Variants in EPB41 observed in about 807,000 individuals in gnomAD.
EPB41 encodes protein 4.1.
Under a neutral mutation model 108.0 loss-of-function variants are expected in EPB41, and 65 were observed. The ratio of observed to expected loss-of-function variants is 0.60; its 90% CI spans 0.49 to 0.74. The LOEUF (loss-of-function observed/expected upper bound fraction) is 0.74. Among genes scored for constraint, EPB41 ranks in the 30% least tolerant of loss-of-function variants. The pLI, the probability that EPB41 is intolerant of heterozygous loss-of-function variation, is 0.00. For missense variants in EPB41, 875 were observed against 1,037.0 expected (o/e 0.84, Z 2.15); for synonymous variants, 336 against 358.9 (o/e 0.94, Z 0.72).
At chr1:28,964,001 T>G (rs921898618) in intron 1 of EPB41, among the ~76,000 whole-genome samples, 1 of 152,236 alleles carries the variant, frequency 6.6e-6, no homozygotes, top group Non-Finnish European at 1.5e-5. Flanking sequence ...TTCTTCCATC[T>G]CAACAAACCT....
At position 28,990,023 on chromosome 1, in the gene EPB41, G is replaced by A. The variant is rs142883669; in HGVS notation, c.468+2118G>A. Among the ~76,000 whole-genome samples, 653 of 152,172 alleles carry A rather than the reference G, an allele frequency of 4.3e-3. 4 individuals carry two copies. Among genetic ancestry groups the A allele is most frequent in the African/African-American group, 0.015 (627 of 41,534 alleles). The stretch of plus-strand genomic sequence containing the variant: ...TGTAATCCTAGCACTCTAGGAGGCT[G>A]AGGCAGGCGAATCACAAGGTCAGGA... On this transcript the variant is annotated intron_variant, in intron 2 of 20. Coordinates refer to ENST00000343067, the MANE Select transcript of EPB41 (RefSeq NM_001376013.1).
chr1:28,975,180 C>T lies in EPB41; in HGVS notation c.-7-12251C>T, dbSNP rs191677428. On this transcript the variant is annotated intron_variant, in intron 1 of 20. Transcript: ENST00000343067. ...CTCCTGACCTCAGGTAATCCACCCA[C>T]CTCAGGCTCCCAAAGTGCTGGAATT... 4.8e-3 allele frequency among the ~76,000 whole-genome samples: 732 copies of T among 152,250 alleles called. 6 individuals are homozygous for T. The highest frequency in any genetic ancestry group is 0.016 in the African/African-American group (685 of 41,542).
chr1:29,060,443 G>C lies in EPB41; in HGVS notation c.1966G>C (p.Gly656Arg). ...MRKKKRERLD[G>R]ENIYIRHSNL... Reference sequence around the variant, plus strand: ...ACAGAAAAAGAGAGAAAGACTAGATGGTGAAAACATTTATATCAGACATAG... The same window carrying C: ...ACAGAAAAAGAGAGAAAGACTAGATCGTGAAAACATTTATATCAGACATAG... Residue 656 changes from glycine to arginine, a missense_variant, in exon 15 of 21, where the codon GGT becomes CGT. Around this residue, in one of 3 missense-constraint regions of EPB41, gnomAD observed 519 missense variants for 627.3 expected, o/e 0.83. Transcript: ENST00000343067. 6.2e-7 allele frequency: 1 copy of C among 1,612,954 alleles called. No individual in the cohort carries two copies. Among genetic ancestry groups the C allele is most frequent in the South Asian group, 1.1e-5 (1 of 91,040 alleles).
chr1:28,957,797 A>C lies in EPB41; in HGVS notation c.-7-29634A>C, dbSNP rs572430860. On this transcript the variant is annotated intron_variant, in intron 1 of 20. Coordinates refer to ENST00000343067, the MANE Select transcript of EPB41 (RefSeq NM_001376013.1). Reference sequence around the variant, plus strand: ...GTGGGGAAAAAATCAATTTCAGTGAAGTTTACAGTTTTATGAACCTGTGCT... The same window carrying C: ...GTGGGGAAAAAATCAATTTCAGTGACGTTTACAGTTTTATGAACCTGTGCT... Among the ~76,000 whole-genome samples, 13 of 152,156 alleles carry C rather than the reference A, an allele frequency of 8.5e-5. No individual in the cohort carries two copies. The South Asian group carries it at 2.3e-3, about 27-fold the overall frequency.
At chr1:28,957,058 A>T (rs2094980455) in intron 1 of EPB41, among the ~76,000 whole-genome samples, 1 of 152,258 alleles carries the variant, frequency 6.6e-6, no homozygotes. Context: ...AGTGAATAGG[A>T]TTGTGGTTGA....
intron 1 of EPB41, among the ~76,000 whole-genome samples, chr1:28,916,306 C>T (rs2092664921): frequency 2.0e-5 from 3 of 152,090 alleles, no homozygotes; most frequent in South Asian, 4.1e-4. Flanking sequence ...ATTCATACAC[C>T]TGGGGAAACA....
At chr1:29,003,122 T>C (rs1182629511) in intron 4 of EPB41, among the ~76,000 whole-genome samples, 2 of 152,246 alleles carry the variant, frequency 1.3e-5, no homozygotes, top group African/African-American at 4.8e-5. Context: ...TCAGTCCATG[T>C]ATATGTACTG....
intron 11 of EPB41, among the ~76,000 whole-genome samples, chr1:29,043,269 G>T (rs1642167224): frequency 6.6e-6 from 1 of 152,196 alleles, no homozygotes. Flanking sequence ...TCTTTGAGGA[G>T]CTTCATTTGA....
intron 12 of EPB41, among the ~76,000 whole-genome samples, chr1:29,057,753 C>A (rs1460784248): frequency 6.6e-6 from 1 of 152,036 alleles, no homozygotes; most frequent in East Asian, 1.9e-4. Context: ...ATAATTGCTC[C>A]ATTTTCTATG....
At chr1:28,918,655 T>A (rs1396832394) in intron 1 of EPB41, among the ~76,000 whole-genome samples, 1 of 152,066 alleles carries the variant, frequency 6.6e-6, no homozygotes, top group Non-Finnish European at 1.5e-5. Flanking sequence ...TTTATGCTTG[T>A]AATCCCAGCA....
chr1:29,104,756 G>A lies in EPB41; in HGVS notation c.2314-4580G>A, dbSNP rs187888313. ...GGGCCACCATGCCTGGCTAATTTTT[G>A]TATTTCTTTTTTCAGTAGAAACAGG... On this transcript the variant is annotated intron_variant, in intron 17 of 20. Coordinates refer to ENST00000343067, the MANE Select transcript of EPB41 (RefSeq NM_001376013.1). Among the ~76,000 whole-genome samples, 4 of 151,800 alleles carry A rather than the reference G, an allele frequency of 2.6e-5. No individual in the cohort carries two copies. In the East Asian group the frequency reaches 7.8e-4, roughly 29 times the overall value.
At chr1:28,969,827 G>A (rs1184260077) in intron 1 of EPB41, among the ~76,000 whole-genome samples, 1 of 152,152 alleles carries the variant, frequency 6.6e-6, no homozygotes, top group East Asian at 1.9e-4. Context: ...CGTGAACCTG[G>A]GAGGCAGAGC....
At chr1:29,052,502 A>G (rs1404566618) in intron 11 of EPB41, among the ~76,000 whole-genome samples, 2 of 152,206 alleles carry the variant, frequency 1.3e-5, no homozygotes, top group African/African-American at 4.8e-5. Flanking sequence ...TGTTATTTTA[A>G]TCAAATGATT....
At chr1:29,014,250 G>A (rs1444619653) in intron 5 of EPB41, among the ~76,000 whole-genome samples, 4 of 152,096 alleles carry the variant, frequency 2.6e-5, no homozygotes, top group Non-Finnish European at 5.9e-5. Flanking sequence ...CTGGGAGGTG[G>A]AGGTTGCAGT....
chr1:29,048,609 GTAAGTGACTTGCCT>G lies in EPB41; in HGVS notation c.1637-4494_1637-4481del, dbSNP rs1162847686. 2.0e-5 allele frequency among the ~76,000 whole-genome samples: 3 copies of G among 152,306 alleles called. No individual in the cohort carries two copies. The East Asian group carries it at 5.8e-4, about 29-fold the overall frequency. On this transcript the variant is annotated intron_variant, in intron 11 of 20. Transcript: ENST00000343067. ...ATTTCTTACAACTTAACCTTAGAAT[GTAAGTGACTTGCCT>G]AAGGTTACATAGCTAGTTGGAAAGA... is the stretch of plus-strand genomic sequence containing the variant.
intron 16 of EPB41, among the ~76,000 whole-genome samples, chr1:29,083,001 T>C (rs535060752): frequency 9.8e-4 from 149 of 152,212 alleles, no homozygotes; most frequent in Non-Finnish European, 1.9e-3. Context: ...TTTTATCAAC[T>C]CTAGTAAAGG....
chr1:29,057,373 CAAAAAAA>C (rs72047998), intron 12 of EPB41, among the ~76,000 whole-genome samples: 2 of 65,294 alleles, frequency 3.1e-5, no homozygotes, highest in African/African-American at 1.1e-4. Context: ...GACTCTGTCT[CAAAAAAA>C]AAAAAAAAAA....
At chr1:29,021,569 T>A (rs2096645630) in intron 7 of EPB41, among the ~76,000 whole-genome samples, 1 of 151,998 alleles carries the variant, frequency 6.6e-6, no homozygotes, top group South Asian at 2.1e-4. Flanking sequence ...GTGAGCTGAA[T>A]TGGCCATCTT....
chr1:29,115,911 C>A lies in EPB41; in HGVS notation c.*6+108C>A. On this transcript the variant is annotated intron_variant, in intron 20 of 20. Coordinates refer to ENST00000343067, the MANE Select transcript of EPB41 (RefSeq NM_001376013.1). The surrounding 1 kb of genome is among the most constrained non-coding windows in gnomAD (Gnocchi z 4.4). ...GAGCCCATCCCCACAAAGAGGTGTTCACCCTGGGACTTGATAAAGGCAGAC... is the reference window on the plus strand; with the variant it reads ...GAGCCCATCCCCACAAAGAGGTGTTAACCCTGGGACTTGATAAAGGCAGAC... 1 of 821,282 alleles carries A rather than the reference C, an allele frequency of 1.2e-6. No individual in the cohort carries two copies. Among genetic ancestry groups the A allele is most frequent in the Non-Finnish European group, 2.1e-6 (1 of 483,332 alleles). 50.9% of individuals were successfully genotyped at this position (821,282 alleles called of 1,614,324 possible).
Sources: gnomAD v4.1 joint callset for allele counts (sites outside exome capture counted in the v4.1 genomes callset) on GRCh38, gnomAD v4.1.1 for gene constraint, gnomAD v4.1.1 regional missense constraint, Gnocchi (gnomAD v3.1) non-coding constraint, MANE v1.5 for transcripts, NCBI Gene and HGNC (gene_info 2026-07-23, HGNC 2026-07-21) for gene names.